Variants in CNTNAP2 observed in about 807,000 individuals in gnomAD.
CNTNAP2 encodes contactin-associated protein-like 2.
CNTNAP2 carries 98 observed loss-of-function variants against 155.2 expected under a neutral mutation model. The observed-to-expected ratio is 0.63, with a 90% CI of 0.54 to 0.75. The LOEUF is 0.75. Among genes scored for constraint, CNTNAP2 ranks in the 30% least tolerant of loss-of-function variants. The pLI, the probability that CNTNAP2 is intolerant of heterozygous loss-of-function variation, is 0.00. For synonymous variants in CNTNAP2, 651 were observed against 631.2 expected (o/e 1.03, Z -0.47); for missense variants, 1,727 against 1,688.1 (o/e 1.02, Z -0.40).
intron 3 of CNTNAP2, among the ~76,000 whole-genome samples, chr7:146,877,815 A>T (rs1352238645): frequency 6.6e-6 from 1 of 152,042 alleles, no homozygotes; most frequent in Non-Finnish European, 1.5e-5. Flanking sequence ...TTTCTATTAT[A>T]GGAGATTCTC....
intron 13 of CNTNAP2, among the ~76,000 whole-genome samples, chr7:147,768,462 T>G (rs1272078131): frequency 6.6e-6 from 1 of 152,144 alleles, no homozygotes; most frequent in Non-Finnish European, 1.5e-5. Flanking sequence ...TTGGGCTTAA[T>G]GCATATAGAT....
chr7:146,953,237 C>T (rs900538598), intron 3 of CNTNAP2, among the ~76,000 whole-genome samples: 2 of 151,828 alleles, frequency 1.3e-5, no homozygotes, highest in Admixed American at 6.6e-5. Flanking sequence ...CAAGAAGTAC[C>T]AGCCACAAAG....
chr7:147,012,906 C>G (rs1189351520), intron 3 of CNTNAP2, among the ~76,000 whole-genome samples: 1 of 152,070 alleles, frequency 6.6e-6, no homozygotes, highest in South Asian at 2.1e-4. Flanking sequence ...AGTGTAAACA[C>G]AGATGTGTAG....
intron 1 of CNTNAP2, among the ~76,000 whole-genome samples, chr7:146,474,657 A>G (rs1207340089): frequency 6.6e-6 from 1 of 152,208 alleles, no homozygotes; most frequent in Admixed American, 6.5e-5. Flanking sequence ...ACTTAGTTAC[A>G]ATCATGAAAA....
intron 1 of CNTNAP2, among the ~76,000 whole-genome samples, chr7:146,391,936 T>C (rs1425400274): frequency 6.6e-6 from 1 of 151,980 alleles, no homozygotes; most frequent in Admixed American, 6.6e-5. Context: ...CAAAACCCCA[T>C]GAAACAAGTT....
intron 1 of CNTNAP2, among the ~76,000 whole-genome samples, chr7:146,658,072 C>T (rs931358553): frequency 1.3e-5 from 2 of 151,896 alleles, no homozygotes; most frequent in East Asian, 1.9e-4. Context: ...GTGAAACTAT[C>T]GAGAGTTGGG....
chr7:146,667,877 A>G (rs1467910240), intron 1 of CNTNAP2, among the ~76,000 whole-genome samples: 1 of 151,958 alleles, frequency 6.6e-6, no homozygotes, highest in Admixed American at 6.6e-5. Context: ...TTTTCAGTAG[A>G]ATCTTTAGGT....
At position 147,801,415 on chromosome 7, in the gene CNTNAP2, G is replaced by A. The variant is rs369149852; in HGVS notation, c.2099-102150G>A. 7.3e-5 allele frequency among the ~76,000 whole-genome samples: 11 copies of A among 151,150 alleles called. No individual in the cohort carries two copies. In the East Asian group the frequency reaches 1.6e-3, roughly 22 times the overall value. ...ATAGGACAATAGTGGAGGGAAGGTCGGCAGATAAACAAGTGAACAAAGGTC... is the reference window on the plus strand; with the variant it reads ...ATAGGACAATAGTGGAGGGAAGGTCAGCAGATAAACAAGTGAACAAAGGTC... On this transcript the variant is annotated intron_variant, in intron 13 of 23. Transcript: ENST00000361727.
chr7:146,659,694 A>G (rs1296958715), intron 1 of CNTNAP2, among the ~76,000 whole-genome samples: 1 of 152,238 alleles, frequency 6.6e-6, no homozygotes, highest in Non-Finnish European at 1.5e-5. Flanking sequence ...AAAGAATTAA[A>G]TATATTCATC....
intron 1 of CNTNAP2, among the ~76,000 whole-genome samples, chr7:146,436,282 G>T (rs1616396): frequency 0.036 from 5,437 of 152,184 alleles, 346 homozygotes; most frequent in African/African-American, 0.12. Flanking sequence ...TTTTGACTTA[G>T]ATTAATAATC....
intron 9 of CNTNAP2, among the ~76,000 whole-genome samples, chr7:147,382,393 T>A (rs1031419988): frequency 6.6e-6 from 1 of 152,184 alleles, no homozygotes; most frequent in Non-Finnish European, 1.5e-5. Context: ...TAATATGATA[T>A]GATTGTGCAT....
At chr7:147,637,791 G>T (rs1007434169) in intron 12 of CNTNAP2, among the ~76,000 whole-genome samples, 5 of 152,066 alleles carry the variant, frequency 3.3e-5, no homozygotes, top group African/African-American at 1.2e-4. Context: ...TCATCCAAAG[G>T]TGCATCATGT....
In CNTNAP2 at chr7:147,300,164, T is replaced by C. The variant is rs1794916920; in HGVS notation, c.1372T>C (p.Trp458Arg). The change falls in exon 9 of 24, where the codon TGG (tryptophan) becomes CGG (arginine). Residue 458 changes from tryptophan to arginine, a missense_variant. Coordinates refer to ENST00000361727, the MANE Select transcript of CNTNAP2 (RefSeq NM_014141.6). ...AGGTTCTGGGTTGAATGATGGACAGTGGCACGAGGTTCGCTTCCTAGCCAA... is the reference window on the plus strand; with the variant it reads ...AGGTTCTGGGTTGAATGATGGACAGCGGCACGAGGTTCGCTTCCTAGCCAA... ...SSGSGLNDGQ[W>R]HEVRFLAKEN... The C allele has an allele frequency of 6.2e-7, 1 of 1,614,058 alleles. No individual in the cohort carries two copies. The highest frequency in any genetic ancestry group is 8.5e-7 in the Non-Finnish European group (1 of 1,179,928).
At chr7:147,524,019 AG>A (rs1347733232) in intron 11 of CNTNAP2, among the ~76,000 whole-genome samples, 1 of 152,230 alleles carries the variant, frequency 6.6e-6, no homozygotes, top group Admixed American at 6.5e-5. Context: ...CCTCAGCTGC[AG>A]TTCCACAGAT....
chr7:147,938,853 G>T (rs1800664180), intron 14 of CNTNAP2, among the ~76,000 whole-genome samples: 1 of 152,144 alleles, frequency 6.6e-6, no homozygotes, highest in South Asian at 2.1e-4. Flanking sequence ...ACTCTCAGGT[G>T]TGAGATCTTG....
chr7:148,358,716 G>C (rs1354137806), intron 21 of CNTNAP2, among the ~76,000 whole-genome samples: 1 of 152,222 alleles, frequency 6.6e-6, no homozygotes, highest in Non-Finnish European at 1.5e-5. Flanking sequence ...AAAGCAGTTA[G>C]GAGCAGAGTA....
At chr7:146,672,887 ATTC>A (rs1283715944) in intron 1 of CNTNAP2, among the ~76,000 whole-genome samples, 1 of 152,164 alleles carries the variant, frequency 6.6e-6, no homozygotes, top group African/African-American at 2.4e-5. Flanking sequence ...TAGGACCAAT[ATTC>A]TTTATTGGGC....
intron 1 of CNTNAP2, among the ~76,000 whole-genome samples, chr7:146,632,586 T>C (rs549696283): frequency 1.3e-5 from 2 of 152,128 alleles, no homozygotes; most frequent in South Asian, 4.1e-4. Context: ...AAAATCAACA[T>C]TTTCTGAACA....
chr7:147,870,576 G>C (rs1052700191), intron 13 of CNTNAP2, among the ~76,000 whole-genome samples: 2 of 152,176 alleles, frequency 1.3e-5, no homozygotes, highest in East Asian at 3.9e-4. Context: ...AAACCTTGTG[G>C]CAGAGAAAAC....
Sources: gnomAD v4.1 joint callset for allele counts (sites outside exome capture counted in the v4.1 genomes callset) on GRCh38, gnomAD v4.1.1 for gene constraint, MANE v1.5 for transcripts, NCBI Gene and HGNC (gene_info 2026-07-23, HGNC 2026-07-21) for gene names.